Variants in GPC6 observed in about 807,000 individuals in gnomAD.
GPC6 encodes the protein glypican 6, also known as glypican-6.
In GPC6, 14 loss-of-function variants were observed where a neutral mutation model predicts 55.2. That is an observed-to-expected ratio of 0.25 (90% confidence interval 0.17 to 0.40). The LOEUF is 0.40. GPC6 is among the 10% of genes least tolerant of loss of function. The pLI is 1.00. For synonymous variants in GPC6, 278 were observed against 259.6 expected (o/e 1.07, Z -0.68); for missense variants, 641 against 708.5 (o/e 0.90, Z 1.08).
At chr13:93,905,253 A>G (rs1876601037) in intron 3 of GPC6, among the ~76,000 whole-genome samples, 1 of 152,084 alleles carries the variant, frequency 6.6e-6, no homozygotes, top group African/African-American at 2.4e-5. Flanking sequence ...TTCAAATCAT[A>G]GCTTTGTCTC....
rs1405416897 is a variant in GPC6 at position 94,151,352 on chromosome 13, C to T, written c.877+123458C>T. 6.6e-5 allele frequency among the ~76,000 whole-genome samples: 10 copies of T among 152,248 alleles called. No homozygotes were observed. The South Asian group carries it at 2.1e-3, about 32-fold the overall frequency. ...ATAACTGGAAAAGATCTGTTATAAA[C>T]TGAACAACAGAGAAATGTTAAGACC... is the stretch of plus-strand genomic sequence containing the variant. On this transcript the variant is annotated intron_variant, in intron 4 of 8. Transcript: ENST00000377047.
At chr13:93,487,278 G>T (rs1008233079) in intron 1 of GPC6, among the ~76,000 whole-genome samples, 1 of 151,888 alleles carries the variant, frequency 6.6e-6, no homozygotes, top group Non-Finnish European at 1.5e-5. Flanking sequence ...TGCTACATAG[G>T]TAAACGTATG....
At chr13:93,488,632 T>G (rs1157752142) in intron 1 of GPC6, among the ~76,000 whole-genome samples, 1 of 152,178 alleles carries the variant, frequency 6.6e-6, no homozygotes, top group African/African-American at 2.4e-5. Context: ...CCAGCACCTG[T>G]TGTTTCCTGA....
At chr13:94,256,704 T>C (rs1169253870) in intron 4 of GPC6, among the ~76,000 whole-genome samples, 1 of 152,132 alleles carries the variant, frequency 6.6e-6, no homozygotes, top group Non-Finnish European at 1.5e-5. Flanking sequence ...GGTCTTAAAA[T>C]AGAGACTTGT....
At chr13:94,329,032 G>T (rs921686530) in intron 6 of GPC6, among the ~76,000 whole-genome samples, 9 of 152,180 alleles carry the variant, frequency 5.9e-5, no homozygotes, top group African/African-American at 9.7e-5. Context: ...AGAACCCCGG[G>T]GGGGGCTGAA....
chr13:94,360,199 T>C (rs1878992571), intron 6 of GPC6, among the ~76,000 whole-genome samples: 1 of 152,232 alleles, frequency 6.6e-6, no homozygotes, highest in Non-Finnish European at 1.5e-5. Flanking sequence ...TTTAGGACTT[T>C]CATTTTTTCA....
intron 2 of GPC6, among the ~76,000 whole-genome samples, chr13:93,722,966 TGACTGTGTCTGTGA>T (rs1883502255): frequency 6.6e-6 from 1 of 151,918 alleles, no homozygotes; most frequent in Admixed American, 6.6e-5. Flanking sequence ...CATCTTAACT[TGACTGTGTCTGTGA>T]AGACCTTATT....
At chr13:94,260,966 G>A (rs1431096497) in intron 4 of GPC6, among the ~76,000 whole-genome samples, 3 of 151,996 alleles carry the variant, frequency 2.0e-5, no homozygotes, top group Admixed American at 2.0e-4. Flanking sequence ...CTTAGTGTTA[G>A]ATTGATTATG....
chr13:94,292,759 A>T (rs1208606286), intron 5 of GPC6, among the ~76,000 whole-genome samples: 5 of 152,154 alleles, frequency 3.3e-5, no homozygotes, highest in Non-Finnish European at 7.4e-5. Context: ...AATAATTGAG[A>T]TCATGAATAA....
chr13:93,683,302 AC>A (rs2138769086), intron 2 of GPC6, among the ~76,000 whole-genome samples: 1 of 152,196 alleles, frequency 6.6e-6, no homozygotes, highest in Admixed American at 6.5e-5. Context: ...TTAATATTAA[AC>A]ATATAGCTTT....
chr13:93,963,115 T>C (rs1879862450), intron 3 of GPC6, among the ~76,000 whole-genome samples: 1 of 152,204 alleles, frequency 6.6e-6, no homozygotes, highest in Non-Finnish European at 1.5e-5. Flanking sequence ...TATAATTGAA[T>C]AATTGGCTAT....
chr13:93,974,211 A>C (rs901111471), intron 3 of GPC6, among the ~76,000 whole-genome samples: 1 of 152,210 alleles, frequency 6.6e-6, no homozygotes, highest in Non-Finnish European at 1.5e-5. Context: ...CACAGGCAGC[A>C]TGATGCCTTG....
At chr13:94,093,204 A>T (rs1258614635) in intron 4 of GPC6, among the ~76,000 whole-genome samples, 3 of 152,044 alleles carry the variant, frequency 2.0e-5, no homozygotes, top group Non-Finnish European at 4.4e-5. Flanking sequence ...AATGTCAAAA[A>T]ATTTTTTTCC....
At chr13:94,025,097 T>C (rs1415432963) in intron 3 of GPC6, among the ~76,000 whole-genome samples, 2 of 152,186 alleles carry the variant, frequency 1.3e-5, no homozygotes, top group East Asian at 1.9e-4. Flanking sequence ...ATGCTCTAGG[T>C]TCTAATACCA....
chr13:93,369,863 A>G (rs545143680), intron 1 of GPC6, among the ~76,000 whole-genome samples: 3 of 152,282 alleles, frequency 2.0e-5, no homozygotes, highest in African/African-American at 7.2e-5. Flanking sequence ...CATATCTATC[A>G]AGACAGTGTA....
intron 4 of GPC6, among the ~76,000 whole-genome samples, chr13:94,139,066 G>A (rs780824579): frequency 1.3e-5 from 2 of 151,872 alleles, no homozygotes; most frequent in African/African-American, 2.4e-5. Context: ...TGAAGATATG[G>A]TAGGAGTTAG....
intron 2 of GPC6, among the ~76,000 whole-genome samples, chr13:93,620,186 AT>A (rs369165613): frequency 3.8e-4 from 58 of 152,298 alleles, no homozygotes; most frequent in African/African-American, 1.3e-3. Context: ...AATATATTGC[AT>A]TCATAATCTT....
chr13:93,515,669 A>G (rs566719495), intron 1 of GPC6, among the ~76,000 whole-genome samples: 5 of 152,322 alleles, frequency 3.3e-5, no homozygotes, highest in Admixed American at 1.3e-4. Flanking sequence ...CAAAATAAAT[A>G]CTGAAAATAT....
At chr13:94,151,018 ATTC>A (rs1334234965) in intron 4 of GPC6, among the ~76,000 whole-genome samples, 1 of 151,870 alleles carries the variant, frequency 6.6e-6, no homozygotes, top group Non-Finnish European at 1.5e-5. Flanking sequence ...TTTGAAATAT[ATTC>A]TTATGATAGC....
Sources: gnomAD v4.1 joint callset for allele counts (sites outside exome capture counted in the v4.1 genomes callset) on GRCh38, gnomAD v4.1.1 for gene constraint, MANE v1.5 for transcripts, NCBI Gene and HGNC (gene_info 2026-07-23, HGNC 2026-07-21) for gene names.